Variants in GPR107 observed in about 807,000 individuals in gnomAD.
The protein encoded by GPR107 is G protein-coupled receptor 107, also known as protein GPR107.
In GPR107, 31 loss-of-function variants were observed where a neutral mutation model predicts 75.5. The ratio of observed to expected loss-of-function variants is 0.41; its 90% confidence interval spans 0.31 to 0.55. GPR107 has a LOEUF of 0.55. Ranked by LOEUF, GPR107 falls within the 20% of genes least tolerant of loss-of-function variation. GPR107 has a pLI of 0.26. For missense variants in GPR107, 572 were observed against 665.7 expected (o/e 0.86, Z 1.55); for synonymous variants, 267 against 251.3 (o/e 1.06, Z -0.59).
chr9:130,099,013 C>G (rs1454225664), intron 9 of GPR107, among the ~76,000 whole-genome samples: 1 of 147,182 alleles, frequency 6.8e-6, no homozygotes, highest in African/African-American at 2.5e-5. Flanking sequence ...ACTCTTGTCT[C>G]AAAAAAAAAA....
chr9:130,093,614 A>G (rs1401934940), intron 9 of GPR107, among the ~76,000 whole-genome samples: 1 of 152,146 alleles, frequency 6.6e-6, no homozygotes, highest in African/African-American at 2.4e-5. Context: ...CCAGATAGAA[A>G]GAGTTTCTTG....
intron 10 of GPR107, 45 bp downstream of exon 10, chr9:130,099,577 T>C (rs1024761866): frequency 1.5e-5 from 16 of 1,079,982 alleles, no homozygotes; most frequent in Non-Finnish European, 2.1e-5. Context: ...TTACGTATAA[T>C]GCCTGTGTGA....
At chr9:130,109,956 CTGTT>C (rs1831254806) in intron 14 of GPR107, among the ~76,000 whole-genome samples, 1 of 152,188 alleles carries the variant, frequency 6.6e-6, no homozygotes, top group Non-Finnish European at 1.5e-5. Flanking sequence ...GTTCTTCCGG[CTGTT>C]TGGCTAAAAA....
intron 10 of GPR107, among the ~76,000 whole-genome samples, chr9:130,100,188 C>T (rs997284221): frequency 3.9e-5 from 6 of 152,180 alleles, no homozygotes; most frequent in Non-Finnish European, 5.9e-5. Context: ...AGCCACCACG[C>T]CCGGCCTCCA....
intron 17 of GPR107, 178 bp downstream of exon 17, chr9:130,128,939 A>G (rs1281341512): frequency 5.1e-6 from 3 of 582,652 alleles, no homozygotes; most frequent in East Asian, 3.0e-5. Flanking sequence ...TTTGAAGTAC[A>G]GTATCTGCCA....
At chr9:130,100,748 A>G (rs774522043) in intron 11 of GPR107, 46 bp downstream of exon 11, 13 of 1,418,556 alleles carry the variant, frequency 9.2e-6, no homozygotes, top group Non-Finnish European at 1.3e-5. Context: ...ATGACATACA[A>G]GACAAGGGGG....
Position 130,092,329 on chromosome 9 carries a change from T to G in GPR107, c.811T>G (p.Phe271Val), listed in dbSNP as rs143429407. The G allele has an allele frequency of 6.2e-7, 1 of 1,609,256 alleles. No homozygotes were observed. The highest frequency in any genetic ancestry group is 1.3e-5 in the African/African-American group (1 of 74,942). ...CCCCAAATTATACATCTCAATGGCCTTTTTCTTCTTTCTTTCTGGGACCAT... is the reference window on the plus strand; with the variant it reads ...CCCCAAATTATACATCTCAATGGCCGTTTTCTTCTTTCTTTCTGGGACCAT... Reference protein sequence around the residue: ...PLPKLYISMAFFFFLSGTIWI... With the variant: ...PLPKLYISMAVFFFLSGTIWI... The change falls in exon 9 of 18, where the codon TTT (phenylalanine) becomes GTT (valine). Residue 271 changes from phenylalanine (F) to valine (V), a missense_variant. Transcript: ENST00000347136.
chr9:130,091,660 C>G (rs1830742451), intron 8 of GPR107, among the ~76,000 whole-genome samples: 1 of 151,082 alleles, frequency 6.6e-6, no homozygotes. Context: ...TCCTGAGTAG[C>G]TGGGATTACA....
chr9:130,056,924 CAAAAAAAAAAAAAA>C (rs11442007), intron 1 of GPR107, among the ~76,000 whole-genome samples: 768 of 42,926 alleles, frequency 0.018, 31 homozygotes, highest in African/African-American at 0.083. Flanking sequence ...GACTCCTTCT[CAAAAAAAAAAAAAA>C]AAAAAAAAAA....
chr9:130,081,494 A>G (rs1196288128), intron 5 of GPR107, among the ~76,000 whole-genome samples: 2 of 151,908 alleles, frequency 1.3e-5, no homozygotes, highest in Non-Finnish European at 2.9e-5. Flanking sequence ...CAACATGGTG[A>G]AACCCCGTCT....
At chr9:130,108,774 A>G (rs1831222987) in intron 14 of GPR107, 1 of 455,740 alleles carries the variant, frequency 2.2e-6, no homozygotes, top group East Asian at 7.0e-5. Flanking sequence ...CAAAGATACC[A>G]GGTTCCCTTC....
chr9:130,115,914 T>C (rs1831419380), intron 14 of GPR107, among the ~76,000 whole-genome samples: 1 of 152,226 alleles, frequency 6.6e-6, no homozygotes, highest in Non-Finnish European at 1.5e-5. Flanking sequence ...ATGTGTGTTT[T>C]TTATTAAGCT....
At chr9:130,114,133 C>T (rs7872457) in intron 14 of GPR107, among the ~76,000 whole-genome samples, 97,600 of 146,750 alleles carry the variant, frequency 0.67, 32,273 homozygotes, top group East Asian at 0.82. Context: ...CTTTGGGAGG[C>T]GGAGGCAAAC....
chr9:130,065,532 G>A (rs559754593), intron 1 of GPR107, among the ~76,000 whole-genome samples: 17 of 151,768 alleles, frequency 1.1e-4, no homozygotes, highest in African/African-American at 3.1e-4. Context: ...TAGGGAGGCC[G>A]CAACGGGCAC....
At chr9:130,089,363 A>G (rs1281264482) in intron 7 of GPR107, among the ~76,000 whole-genome samples, 3 of 152,150 alleles carry the variant, frequency 2.0e-5, no homozygotes, top group East Asian at 1.9e-4. Context: ...CAGGCAGTGC[A>G]TGGGTAGCTT....
chr9:130,118,970 C>T (rs912649321), intron 14 of GPR107, among the ~76,000 whole-genome samples: 2 of 152,232 alleles, frequency 1.3e-5, no homozygotes, highest in Admixed American at 6.5e-5. Flanking sequence ...ATTCTTTCAC[C>T]GTATTTGCTG....
chr9:130,135,598 T>C lies in GPR107; in HGVS notation c.*477T>C, dbSNP rs1443154195. On this transcript the variant is annotated 3_prime_UTR_variant, in exon 18 of 18. Coordinates refer to ENST00000347136, the MANE Select transcript of GPR107 (RefSeq NM_020960.5). ...GGCGGGGAGAGTGCCATTGCCTGTTTGGGAGACAAAAATGAACGAAAACAG... is the reference window on the plus strand; with the variant it reads ...GGCGGGGAGAGTGCCATTGCCTGTTCGGGAGACAAAAATGAACGAAAACAG... The C allele has an allele frequency of 6.6e-6, 1 of 152,508 alleles. No individual in the cohort carries two copies. The highest frequency in any genetic ancestry group is 6.5e-5 in the Admixed American group (1 of 15,368). The allele number at this position is 152,508 out of a possible 1,614,324, so 9.4% of individuals were successfully genotyped here.
At chr9:130,082,717 G>T (rs1355183062) in intron 5 of GPR107, among the ~76,000 whole-genome samples, 1 of 151,982 alleles carries the variant, frequency 6.6e-6, no homozygotes, top group Non-Finnish European at 1.5e-5. Context: ...CTGACCTCAT[G>T]ATCCGCCCAT....
At chr9:130,055,257 G>A (rs999573809) in intron 1 of GPR107, among the ~76,000 whole-genome samples, 3 of 151,104 alleles carry the variant, frequency 2.0e-5, no homozygotes, top group Non-Finnish European at 4.4e-5. Flanking sequence ...CACGAGGTGA[G>A]GAGATCGAGA....
Sources: allele counts gnomAD v4.1 joint callset (sites outside exome capture counted in the v4.1 genomes callset), GRCh38; gene constraint gnomAD v4.1.1; transcripts MANE v1.5; gene names NCBI Gene and HGNC (gene_info 2026-07-23, HGNC 2026-07-21).